Variants in KHDRBS2 observed in about 807,000 individuals in gnomAD.
The protein encoded by KHDRBS2 is KH domain-containing, RNA-binding, signal transduction-associated protein 2.
KHDRBS2 carries 26 observed loss-of-function variants against 44.3 expected under a neutral mutation model. That is an observed-to-expected ratio of 0.59 (90% CI 0.43 to 0.81). The LOEUF (loss-of-function observed/expected upper bound fraction) is 0.81, where lower values mean the gene tolerates loss of function less well. Among genes scored for constraint, KHDRBS2 ranks in the 40% least tolerant of loss-of-function variants. The probability of loss-of-function intolerance (pLI) is 0.00; values close to 1 mark genes in which losing one functional copy is unlikely to be tolerated. For missense variants in KHDRBS2, 476 were observed against 433.1 expected, an observed-to-expected ratio of 1.10 and a Z score of -0.88; for synonymous variants, 194 against 151.1, an observed-to-expected ratio of 1.28 and a Z score of -2.08.
chr6:61,695,364 G>A (rs1767794098), intron 8 of KHDRBS2, among the ~76,000 whole-genome samples: 1 of 152,118 alleles, frequency 6.6e-6, no homozygotes, highest in Admixed American at 6.6e-5. Context: ...AAATGCAGAT[G>A]ACAATATAAG....
At chr6:61,627,649 C>T in the KHDRBS2 span, among the ~76,000 whole-genome samples, 1 of 152,112 alleles carries the variant, frequency 6.6e-6, no homozygotes, top group Non-Finnish European at 1.5e-5. Flanking sequence ...CAATGAAGCT[C>T]AGTTCAGTTT....
intron 2 of KHDRBS2, among the ~76,000 whole-genome samples, chr6:62,058,160 C>A (rs1321443309): frequency 1.3e-5 from 2 of 151,780 alleles, no homozygotes; most frequent in African/African-American, 2.4e-5. Flanking sequence ...ATAGGCAATA[C>A]AACTACTCTT....
chr6:61,557,309 C>T, the KHDRBS2 span, among the ~76,000 whole-genome samples: 1 of 152,074 alleles, frequency 6.6e-6, no homozygotes, highest in East Asian at 1.9e-4. Context: ...CATAAAGTTC[C>T]CATCCAATTT....
At chr6:61,550,083 G>T in the KHDRBS2 span, among the ~76,000 whole-genome samples, 1 of 152,084 alleles carries the variant, frequency 6.6e-6, no homozygotes, top group East Asian at 1.9e-4. Context: ...GCGGTACATA[G>T]GTAGGTTTGT....
intron 6 of KHDRBS2, among the ~76,000 whole-genome samples, chr6:61,774,988 T>A (rs1287470818): frequency 6.6e-6 from 1 of 152,098 alleles, no homozygotes; most frequent in Non-Finnish European, 1.5e-5. Context: ...TGGTTCAACA[T>A]ACACAAATCA....
intron 2 of KHDRBS2, among the ~76,000 whole-genome samples, chr6:62,128,845 A>G (rs1809583683): frequency 1.3e-5 from 2 of 152,094 alleles, no homozygotes; most frequent in African/African-American, 4.8e-5. Flanking sequence ...ATAGATTAAT[A>G]TAAAATTAAA....
intron 6 of KHDRBS2, among the ~76,000 whole-genome samples, chr6:61,760,807 G>C (rs1328815900): frequency 1.1e-4 from 17 of 152,084 alleles, no homozygotes; most frequent in Non-Finnish European, 8.8e-5. Flanking sequence ...TTCACATTAA[G>C]CATACAATTT....
intron 7 of KHDRBS2, among the ~76,000 whole-genome samples, chr6:61,709,286 C>T (rs1770098831): frequency 2.6e-5 from 4 of 151,450 alleles, no homozygotes; most frequent in Admixed American, 2.0e-4. Context: ...TTAATGTTCA[C>T]AGGATGAAAT....
At chr6:62,069,374 T>A (rs1794470525) in intron 2 of KHDRBS2, among the ~76,000 whole-genome samples, 1 of 151,806 alleles carries the variant, frequency 6.6e-6, no homozygotes, top group Non-Finnish European at 1.5e-5. Context: ...TGTCACCTGT[T>A]TAGAAGACGC....
Position 61,732,734 on chromosome 6 carries a change from C to A in KHDRBS2, c.841G>T (p.Asp281Tyr). The A allele has an allele frequency of 1.2e-6, 2 of 1,610,920 alleles. No homozygotes were observed. Among genetic ancestry groups the A allele is most frequent in the Non-Finnish European group, 1.7e-6 (2 of 1,177,232 alleles). Residue 281 changes from aspartate (D) to tyrosine (Y), a missense_variant, in exon 7 of 9, where the codon GAT becomes TAT. Physicochemically the swap from Asp to Tyr is radical, Grantham distance 160. Transcript: ENST00000281156. Reference protein sequence around the residue: ...GYDDGYGGEYDDQTYETYDNS... With the variant: ...GYDDGYGGEYYDQTYETYDNS... The stretch of plus-strand genomic sequence containing the variant: ...TCATAAGTCTCATAGGTCTGGTCAT[C>A]ATATTCACCCCCGTAGCCATCATCA...
chr6:62,033,378 A>G lies in KHDRBS2; in HGVS notation c.336+14500T>C, dbSNP rs79131807. Among the ~76,000 whole-genome samples the G allele has an allele frequency of 2.3e-3, 357 of 152,072 alleles. 1 individual carries two copies. Among genetic ancestry groups the G allele is most frequent in the African/African-American group, 7.9e-3 (327 of 41,536 alleles). On this transcript the variant is annotated intron_variant, in intron 3 of 8. Coordinates refer to ENST00000281156, the MANE Select transcript of KHDRBS2 (RefSeq NM_152688.4). ...ACAAGAAGTTTATATAACACCAAAC[A>G]GATTTAACCAAAAGAAGACTACCTG...
At chr6:62,168,349 A>G (rs1398775234) in intron 2 of KHDRBS2, among the ~76,000 whole-genome samples, 1 of 152,158 alleles carries the variant, frequency 6.6e-6, no homozygotes, top group Non-Finnish European at 1.5e-5. Flanking sequence ...ACAGAATTCT[A>G]AAAGTACATC....
intron 6 of KHDRBS2, among the ~76,000 whole-genome samples, chr6:61,802,534 A>G (rs1263812989): frequency 1.3e-5 from 2 of 151,982 alleles, no homozygotes; most frequent in African/African-American, 4.8e-5. Flanking sequence ...AGAACTAAGG[A>G]CTCTTGCCTC....
intron 6 of KHDRBS2, among the ~76,000 whole-genome samples, chr6:61,786,810 C>T (rs1426803690): frequency 1.3e-5 from 2 of 151,682 alleles, no homozygotes; most frequent in African/African-American, 4.8e-5. Context: ...TCAATATTGC[C>T]CAGCAAATAC....
chr6:62,169,718 C>T (rs1166629463), intron 2 of KHDRBS2, among the ~76,000 whole-genome samples: 1 of 152,172 alleles, frequency 6.6e-6, no homozygotes, highest in South Asian at 2.1e-4. Flanking sequence ...CCCGGCCCCA[C>T]TGCATTACAC....
At chr6:62,274,152 TC>T (rs1335835540) in intron 1 of KHDRBS2, among the ~76,000 whole-genome samples, 1 of 152,090 alleles carries the variant, frequency 6.6e-6, no homozygotes, top group Non-Finnish European at 1.5e-5. Context: ...GTCAGGCTGG[TC>T]TTGAACTCCT....
intron 1 of KHDRBS2, among the ~76,000 whole-genome samples, chr6:62,255,615 C>T (rs1017434351): frequency 3.2e-5 from 2 of 63,038 alleles, no homozygotes; most frequent in Admixed American, 1.5e-4. Flanking sequence ...AACACACACA[C>T]ACACACACAC....
intron 3 of KHDRBS2, among the ~76,000 whole-genome samples, chr6:61,995,633 C>A (rs1309517048): frequency 6.6e-6 from 1 of 151,998 alleles, no homozygotes; most frequent in Non-Finnish European, 1.5e-5. Context: ...ATCTCATGTG[C>A]AAAAGTCAGG....
intron 1 of KHDRBS2, among the ~76,000 whole-genome samples, chr6:62,214,836 A>C (rs1318272235): frequency 1.3e-5 from 2 of 151,872 alleles, no homozygotes; most frequent in South Asian, 2.1e-4. Context: ...CACAATAATC[A>C]ATTTTCCTTT....
Sources: allele counts gnomAD v4.1 joint callset (sites outside exome capture counted in the v4.1 genomes callset), GRCh38; gene constraint gnomAD v4.1.1; transcripts MANE v1.5; gene names NCBI Gene and HGNC (gene_info 2026-07-23, HGNC 2026-07-21).